Variants in SHROOM3 observed in about 807,000 individuals in gnomAD.
The protein encoded by SHROOM3 is shroom family member 3.
SHROOM3 carries 47 observed loss-of-function variants against 138.6 expected under a neutral mutation model. That is an observed-to-expected ratio of 0.34 (90% CI 0.27 to 0.43). SHROOM3 has a LOEUF of 0.43. SHROOM3 is among the 20% of genes least tolerant of loss of function. The pLI is 1.00. For missense variants in SHROOM3, 2,491 were observed against 2,596.5 expected, an observed-to-expected ratio of 0.96 and a Z score of 0.88; for synonymous variants, 1,062 against 1,063.3, an observed-to-expected ratio of 1.00 and a Z score of 0.02.
chr4:76,608,657 A>G (rs548597258), intron 2 of SHROOM3, among the ~76,000 whole-genome samples: 1 of 28,242 alleles, frequency 3.5e-5, no homozygotes, highest in African/African-American at 5.9e-5. Context: ...ATAGCATAGC[A>G]TAGCATAGCA....
intron 2 of SHROOM3, among the ~76,000 whole-genome samples, chr4:76,627,025 A>T (rs1238384367): frequency 1.3e-5 from 2 of 152,184 alleles, no homozygotes; most frequent in Non-Finnish European, 1.5e-5. Flanking sequence ...TGTCCAAATG[A>T]TTAGGAATTG....
chr4:76,771,856 C>T (rs1242685953), intron 10 of SHROOM3, among the ~76,000 whole-genome samples: 5 of 152,284 alleles, frequency 3.3e-5, no homozygotes, highest in Non-Finnish European at 5.9e-5. Context: ...CTCCTCTGTA[C>T]GGCAAATAGT....
chr4:76,580,780 G>A (rs1475034166), intron 2 of SHROOM3, among the ~76,000 whole-genome samples: 1 of 152,110 alleles, frequency 6.6e-6, no homozygotes, highest in Non-Finnish European at 1.5e-5. Context: ...GCTGGGAAAT[G>A]GTGATAATAA....
At chr4:76,492,086 TC>T (rs1355455167) in intron 1 of SHROOM3, among the ~76,000 whole-genome samples, 1 of 152,216 alleles carries the variant, frequency 6.6e-6, no homozygotes, top group African/African-American at 2.4e-5. Context: ...CTGTTAGGTT[TC>T]AATAGTGCAA....
chr4:76,544,407 CTTTTTTTTTTT>C (rs58799466), intron 1 of SHROOM3, among the ~76,000 whole-genome samples: 5 of 75,872 alleles, frequency 6.6e-5, no homozygotes, highest in African/African-American at 1.3e-4. Context: ...AGCTCAATGG[CTTTTTTTTTTT>C]TTTTTTTTTT....
chr4:76,773,438 A>G (rs779390165), intron 10 of SHROOM3, among the ~76,000 whole-genome samples: 3 of 152,010 alleles, frequency 2.0e-5, no homozygotes, highest in Non-Finnish European at 4.4e-5. Flanking sequence ...TGGCCCCATC[A>G]AAAGAGATAA....
At chr4:76,698,894 A>T (rs1364530240) in intron 2 of SHROOM3, among the ~76,000 whole-genome samples, 1 of 152,106 alleles carries the variant, frequency 6.6e-6, no homozygotes, top group African/African-American at 2.4e-5. Flanking sequence ...TCTGCAAAAA[A>T]ACCCCTCCAC....
chr4:76,650,514 TA>T (rs1274764377), intron 2 of SHROOM3, among the ~76,000 whole-genome samples: 1 of 147,664 alleles, frequency 6.8e-6, no homozygotes, highest in Non-Finnish European at 1.5e-5. Flanking sequence ...TTCTTTTTTT[TA>T]AGTATATTTA....
At position 76,779,291 on chromosome 4, in the gene SHROOM3, C is replaced by T. The variant is rs910867466; in HGVS notation, c.*114C>T. 4.2e-6 allele frequency: 6 copies of T among 1,415,160 alleles called. No individual in the cohort carries two copies. The African/African-American group carries it at 8.6e-5, about 20-fold the overall frequency. 87.7% of individuals were successfully genotyped at this position (1,415,160 alleles called of 1,614,324 possible). On this transcript the variant is annotated 3_prime_UTR_variant, in exon 11 of 11. Coordinates refer to ENST00000296043, the MANE Select transcript of SHROOM3 (RefSeq NM_020859.4). ...CTATCTGGGTTATTGGTGTTTGTTCCTGATGAAAGGAAAAAAATTCTCTCC... is the reference window on the plus strand; with the variant it reads ...CTATCTGGGTTATTGGTGTTTGTTCTTGATGAAAGGAAAAAAATTCTCTCC...
At chr4:76,699,230 A>G (rs923623976) in intron 2 of SHROOM3, among the ~76,000 whole-genome samples, 3 of 152,216 alleles carry the variant, frequency 2.0e-5, no homozygotes, top group African/African-American at 7.2e-5. Flanking sequence ...TGCCTCCCCA[A>G]CAAGACTGGA....
chr4:76,707,023 G>A (rs1720075613), intron 2 of SHROOM3, among the ~76,000 whole-genome samples: 1 of 152,192 alleles, frequency 6.6e-6, no homozygotes. Flanking sequence ...AGAGTGTATA[G>A]TTTATCCCAG....
intron 1 of SHROOM3, among the ~76,000 whole-genome samples, chr4:76,454,745 T>C (rs952210267): frequency 1.3e-5 from 2 of 152,196 alleles, no homozygotes; most frequent in Non-Finnish European, 2.9e-5. Flanking sequence ...AATCTGTAGA[T>C]TGTTTTGGTT....
chr4:76,711,839 A>G (rs570987762), intron 3 of SHROOM3, among the ~76,000 whole-genome samples: 1 of 55,158 alleles, frequency 1.8e-5, no homozygotes, highest in Non-Finnish European at 3.4e-5. Context: ...ATTTCATTTG[A>G]AAAAAAAAAA....
At chr4:76,533,427 C>T (rs1320098749) in intron 1 of SHROOM3, among the ~76,000 whole-genome samples, 2 of 152,194 alleles carry the variant, frequency 1.3e-5, no homozygotes, top group Non-Finnish European at 2.9e-5. Flanking sequence ...GCAGATGTCA[C>T]TGGAATCAAG....
chr4:76,472,296 G>A (rs928716659), intron 1 of SHROOM3, among the ~76,000 whole-genome samples: 1 of 152,174 alleles, frequency 6.6e-6, no homozygotes, highest in South Asian at 2.1e-4. Flanking sequence ...AGAAGTTGCT[G>A]TTAGTAAAAT....
intron 1 of SHROOM3, among the ~76,000 whole-genome samples, chr4:76,516,092 G>A (rs564294364): frequency 6.6e-6 from 1 of 152,304 alleles, no homozygotes; most frequent in African/African-American, 2.4e-5. Flanking sequence ...AGTAGACCGA[G>A]AGGGAAAGTG....
intron 2 of SHROOM3, among the ~76,000 whole-genome samples, chr4:76,567,070 C>G (rs1577890022): frequency 6.6e-6 from 1 of 152,292 alleles, no homozygotes; most frequent in South Asian, 2.1e-4. Flanking sequence ...TTTTTCTACT[C>G]CCCTCTTATT....
At chr4:76,442,901 A>C (rs1041568302) in intron 1 of SHROOM3, among the ~76,000 whole-genome samples, 1 of 152,166 alleles carries the variant, frequency 6.6e-6, no homozygotes, top group Non-Finnish European at 1.5e-5. Context: ...GAATGAATAA[A>C]GAGGAAGATA....
rs11353300 is a variant in SHROOM3, at chr4:76,611,320, ATT to A, written c.323+55568_323+55569del. On this transcript the variant is annotated intron_variant, in intron 2 of 10. Transcript: ENST00000296043. ...TTATTTAACTTGGAGAGTGTGAAGG[ATT>A]TTTTTTTTTTAACACTGCATGATGA... Among the ~76,000 whole-genome samples the A allele has an allele frequency of 1.8e-3, 266 of 149,352 alleles. 1 individual carries two copies. The highest frequency in any genetic ancestry group is 3.5e-3 in the Middle Eastern group (1 of 288).
Sources: gnomAD v4.1 joint callset for allele counts (sites outside exome capture counted in the v4.1 genomes callset) on GRCh38, gnomAD v4.1.1 for gene constraint, MANE v1.5 for transcripts, NCBI Gene and HGNC (gene_info 2026-07-23, HGNC 2026-07-21) for gene names.